The following CACNB2 variants were observed in gnomAD, a reference collection of about 807,000 sequenced individuals.
CACNB2 encodes calcium voltage-gated channel auxiliary subunit beta 2.
Under a neutral mutation model 73.3 loss-of-function variants are expected in CACNB2, and 42 were observed. The ratio of observed to expected loss-of-function variants is 0.57; its 90% confidence interval spans 0.45 to 0.74. CACNB2 has a LOEUF of 0.74. Among genes scored for constraint, CACNB2 ranks in the 30% least tolerant of loss-of-function variants. The pLI is 0.00. For synonymous variants in CACNB2, 348 were observed against 310.3 expected, an observed-to-expected ratio of 1.12 and a Z score of -1.28; for missense variants, 940 against 853.0, an observed-to-expected ratio of 1.10 and a Z score of -1.27.
At chr10:18,413,886 G>T (rs1174092964) in intron 3 of CACNB2, among the ~76,000 whole-genome samples, 1 of 152,354 alleles carries the variant, frequency 6.6e-6, no homozygotes, top group East Asian at 1.9e-4. Context: ...ATGGGCACAG[G>T]CAACTGGGGC....
chr10:18,476,449 C>T lies in CACNB2; in HGVS notation c.334-21906C>T, dbSNP rs142220999. 7.5e-3 allele frequency among the ~76,000 whole-genome samples: 1,149 copies of T among 152,250 alleles called. 9 individuals are homozygous for T. The highest frequency in any genetic ancestry group is 0.012 in the Non-Finnish European group (801 of 68,034). ...CGGTTACAGAATTTTGTGGGGTTTA[C>T]GTACCCTCTAGAGGTTTCCTGTGTT... is the stretch of plus-strand genomic sequence containing the variant. On this transcript the variant is annotated intron_variant, in intron 3 of 13. Coordinates refer to ENST00000324631, the MANE Select transcript of CACNB2 (RefSeq NM_201596.3).
chr10:18,369,888 C>T (rs568411486), intron 2 of CACNB2, among the ~76,000 whole-genome samples: 3 of 152,212 alleles, frequency 2.0e-5, no homozygotes, highest in Middle Eastern at 3.2e-3. Context: ...CCCTTGGCAA[C>T]AGAGCAAGAC....
intron 2 of CACNB2, among the ~76,000 whole-genome samples, chr10:18,218,090 C>A (rs1223030947): frequency 6.6e-6 from 1 of 152,136 alleles, no homozygotes; most frequent in Non-Finnish European, 1.5e-5. Flanking sequence ...ACAGATGGTG[C>A]ACACTGCTGT....
chr10:18,486,441 G>A (rs2049063509), intron 3 of CACNB2, among the ~76,000 whole-genome samples: 1 of 152,138 alleles, frequency 6.6e-6, no homozygotes, highest in African/African-American at 2.4e-5. Flanking sequence ...AGTGATTCCA[G>A]AAGGCTGTAA....
intron 2 of CACNB2, among the ~76,000 whole-genome samples, chr10:18,307,497 A>G (rs1265202318): frequency 3.3e-5 from 5 of 152,154 alleles, no homozygotes; most frequent in African/African-American, 4.8e-5. Context: ...TTTTTCCTTC[A>G]TGGCATTTAT....
chr10:18,295,299 A>C (rs1218655250), intron 2 of CACNB2, among the ~76,000 whole-genome samples: 1 of 152,182 alleles, frequency 6.6e-6, no homozygotes, highest in Admixed American at 6.5e-5. Context: ...CTGTTTTTTG[A>C]GACATGATCC....
At chr10:18,435,275 T>A (rs755586534) in intron 3 of CACNB2, among the ~76,000 whole-genome samples, 1 of 152,156 alleles carries the variant, frequency 6.6e-6, no homozygotes, top group Non-Finnish European at 1.5e-5. Flanking sequence ...GGCGGAGGCA[T>A]AGTGCCGAGC....
chr10:18,288,845 G>T (rs1473226653), intron 2 of CACNB2, among the ~76,000 whole-genome samples: 2 of 152,140 alleles, frequency 1.3e-5, no homozygotes, highest in African/African-American at 4.8e-5. Context: ...AGGAGATCGA[G>T]ACCAGCCTGG....
At chr10:18,229,104 G>C (rs2036128895) in intron 2 of CACNB2, among the ~76,000 whole-genome samples, 1 of 152,122 alleles carries the variant, frequency 6.6e-6, no homozygotes, top group South Asian at 2.1e-4. Flanking sequence ...ACACAAGCAA[G>C]ATAAACTATC....
chr10:18,454,118 G>A lies in CACNB2; in HGVS notation c.334-44237G>A, dbSNP rs577068425. On this transcript the variant is annotated intron_variant, in intron 3 of 13. Transcript: ENST00000324631. ...TTGAAATGTAAACAGGACAGTGAGG[G>A]GTAAAATAAAATGGACAGTTATCAT... 1.1e-4 allele frequency among the ~76,000 whole-genome samples: 16 copies of A among 152,194 alleles called. No individual in the cohort carries two copies. The South Asian group carries it at 2.1e-3, about 20-fold the overall frequency.
intron 3 of CACNB2, among the ~76,000 whole-genome samples, chr10:18,448,033 C>T (rs1191935126): frequency 2.0e-5 from 3 of 151,970 alleles, no homozygotes; most frequent in African/African-American, 7.3e-5. Flanking sequence ...GCTCTGTTGC[C>T]CAGGCTGGAG....
chr10:18,415,821 G>A (rs556205110), intron 3 of CACNB2, among the ~76,000 whole-genome samples: 1 of 152,204 alleles, frequency 6.6e-6, no homozygotes, highest in South Asian at 2.1e-4. Context: ...TCACACTGTT[G>A]TGCCACAGAT....
intron 2 of CACNB2, among the ~76,000 whole-genome samples, chr10:18,292,533 A>G (rs2039108900): frequency 6.6e-6 from 1 of 152,118 alleles, no homozygotes; most frequent in African/African-American, 2.4e-5. Context: ...GCGAGTGCCT[A>G]TAGTTCCAGC....
chr10:18,181,641 G>A (rs1022422505), intron 2 of CACNB2, among the ~76,000 whole-genome samples: 1 of 124,204 alleles, frequency 8.1e-6, no homozygotes. Context: ...TTGAGACAGG[G>A]TCTCACTCTG....
chr10:18,186,390 G>A (rs1053009171), intron 2 of CACNB2, among the ~76,000 whole-genome samples: 3 of 151,658 alleles, frequency 2.0e-5, no homozygotes, highest in Non-Finnish European at 2.9e-5. Flanking sequence ...TTGCACTCCA[G>A]CCTGGGCAAC....
intron 2 of CACNB2, among the ~76,000 whole-genome samples, chr10:18,304,124 G>A (rs2039636069): frequency 6.6e-6 from 1 of 152,090 alleles, no homozygotes; most frequent in African/African-American, 2.4e-5. Flanking sequence ...TCCTTCTAAT[G>A]TTTTAATCTT....
chr10:18,219,078 T>C (rs1335554955), intron 2 of CACNB2, among the ~76,000 whole-genome samples: 1 of 152,128 alleles, frequency 6.6e-6, no homozygotes, highest in Non-Finnish European at 1.5e-5. Flanking sequence ...AGTAGGAGGA[T>C]TGCTTGAGCC....
intron 3 of CACNB2, among the ~76,000 whole-genome samples, chr10:18,463,066 A>G (rs372074571): frequency 1.3e-5 from 2 of 152,094 alleles, no homozygotes; most frequent in South Asian, 4.1e-4. Context: ...CACTTATTTC[A>G]TTTATTGACC....
intron 2 of CACNB2, among the ~76,000 whole-genome samples, chr10:18,314,624 A>T (rs1383634512): frequency 6.6e-6 from 1 of 152,196 alleles, no homozygotes; most frequent in Admixed American, 6.5e-5. Flanking sequence ...AAACAGCTAA[A>T]TCAGTCTATT....
Sources: allele counts gnomAD v4.1 joint callset (sites outside exome capture counted in the v4.1 genomes callset), GRCh38; gene constraint gnomAD v4.1.1; transcripts MANE v1.5; gene names NCBI Gene and HGNC (gene_info 2026-07-23, HGNC 2026-07-21).